MGAM2: variants seen among roughly 807,000 people sequenced by gnomAD.
MGAM2 encodes maltase-glucoamylase 2 (putative).
MGAM2 carries 98 observed loss-of-function variants against 96.1 expected under a neutral mutation model. That is an observed-to-expected ratio of 1.02 (90% CI 0.87 to 1.21). The LOEUF is 1.21. Ranked by LOEUF, MGAM2 falls within the 50% of genes most tolerant of loss-of-function variation. MGAM2 has a pLI of 0.00. For missense variants in MGAM2, 2,055 were observed against 1,182.4 expected (o/e 1.74, Z -10.82); for synonymous variants, 749 against 414.8 (o/e 1.81, Z -9.79).
In MGAM2 at chr7:142,118,124, C is replaced by G. The variant is rs1817479919; in HGVS notation, c.106+1145C>G. ...CATCAGATTTCTGGAACTTATTCAT[C>G]TCGCATAACTGAAATGTTATACTGG... On this transcript the variant is annotated intron_variant, in intron 2 of 47. Coordinates refer to ENST00000477922, the MANE Select transcript of MGAM2 (RefSeq NM_001293626.2). Among the ~76,000 whole-genome samples the G allele has an allele frequency of 2.7e-5, 4 of 150,438 alleles. No homozygotes were observed. In the South Asian group the frequency reaches 8.4e-4, roughly 32 times the overall value.
intron 32 of MGAM2, among the ~76,000 whole-genome samples, chr7:142,180,769 G>C (rs1796513774): frequency 6.6e-6 from 1 of 152,004 alleles, no homozygotes; most frequent in African/African-American, 2.4e-5. Context: ...TTCTGACTGG[G>C]TTGTTTAGAA....
In MGAM2 at chr7:142,167,312, C is replaced by G. The variant is rs752736664; in HGVS notation, c.2853C>G (p.Ile951Met). 2.8e-6 allele frequency: 2 copies of G among 702,524 alleles called. No individual in the cohort carries two copies. Among genetic ancestry groups the G allele is most frequent in the Non-Finnish European group, 5.2e-6 (2 of 384,792 alleles). The allele number at this position is 702,524 out of a possible 1,614,324, so 43.5% of individuals were successfully genotyped here. Residue 951 changes from isoleucine (I) to methionine (M), a missense_variant, in exon 26 of 48, where the codon ATC (isoleucine) becomes ATG (methionine). Ile to Met is a conservative substitution (Grantham distance 10, BLOSUM62 1). Coordinates refer to ENST00000477922, the MANE Select transcript of MGAM2 (RefSeq NM_001293626.2). The part of the protein sequence containing the change: ...PGVPTCYYDT[I>M]PNYVASDIQY... ...TGCCCACCTGTTACTATGACACCAT[C>G]CCTAATTATGTTGCTAGTGATATTC...
At chr7:142,191,696 A>G (rs1002003840) in intron 37 of MGAM2, among the ~76,000 whole-genome samples, 2 of 151,780 alleles carry the variant, frequency 1.3e-5, no homozygotes, top group South Asian at 2.1e-4. Flanking sequence ...TTTAGCTACT[A>G]TGGGTCCCTT....
intron 46 of MGAM2, among the ~76,000 whole-genome samples, chr7:142,208,855 GA>G (rs1563296264): frequency 1.3e-5 from 2 of 152,080 alleles, no homozygotes; most frequent in Non-Finnish European, 2.9e-5. Context: ...CAATGCTGGG[GA>G]AAAAATGGGG....
At chr7:142,183,144 A>G (rs2129094806) in intron 32 of MGAM2, 122 bp from the exon 33 acceptor site, 1 of 595,938 alleles carries the variant, frequency 1.7e-6, no homozygotes, top group East Asian at 2.8e-5. Context: ...ATTTTATTTC[A>G]TTTTATTTTT....
At chr7:142,153,728 C>T (rs1343491093) in intron 15 of MGAM2, among the ~76,000 whole-genome samples, 1 of 152,172 alleles carries the variant, frequency 6.6e-6, no homozygotes, top group Admixed American at 6.5e-5. Context: ...AGGACCAGAC[C>T]ACAACCAGAT....
intron 3 of MGAM2, among the ~76,000 whole-genome samples, chr7:142,124,070 T>G (rs1162306877): frequency 2.6e-5 from 4 of 151,004 alleles, no homozygotes; most frequent in Non-Finnish European, 4.4e-5. Context: ...CCTCCCAGGT[T>G]CAGGTGATTC....
intron 17 of MGAM2, among the ~76,000 whole-genome samples, chr7:142,157,679 T>G (rs1020663270): frequency 6.6e-6 from 1 of 152,010 alleles, no homozygotes; most frequent in Non-Finnish European, 1.5e-5. Context: ...TGTGAGCCAT[T>G]GCGCCTGGCC....
In MGAM2 at chr7:142,185,070, T is replaced by C. The variant is rs576875665; in HGVS notation, c.3925-7T>C. On this transcript the variant is annotated splice_region_variant and splice_polypyrimidine_tract_variant and intron_variant, in intron 33 of 47. Transcript: ENST00000477922. ...TAAAGGTTTTAATTGCCCTTCTTTT[T>C]CTCTAGGTTTGGCCAGATCTGCCTA... The C allele has an allele frequency of 1.8e-5, 13 of 702,862 alleles. No individual in the cohort carries two copies. Among genetic ancestry groups the C allele is most frequent in the South Asian group, 1.8e-4 (12 of 67,544 alleles). The allele number at this position is 702,862 out of a possible 1,614,324, so 43.5% of individuals were successfully genotyped here. A position where few individuals can be genotyped will look rare whatever the true frequency, so the allele number is the denominator to read the frequency against.
chr7:142,120,201 T>C, intron 2 of MGAM2, 101 bp from the exon 3 acceptor site: 1 of 656,142 alleles, frequency 1.5e-6, no homozygotes, highest in Non-Finnish European at 2.8e-6. Flanking sequence ...GGTGATCTGT[T>C]GTGTGGAGAA....
intron 6 of MGAM2, among the ~76,000 whole-genome samples, chr7:142,132,948 TTA>T (rs1335731179): frequency 3.8e-5 from 5 of 131,134 alleles, no homozygotes; most frequent in Non-Finnish European, 7.7e-5. Context: ...TATTTACATA[TTA>T]TATATGCATT....
rs1476371225 is a variant in MGAM2 at position 142,220,167 on chromosome 7, A to G, written c.5656A>G (p.Thr1886Ala). The G allele has an allele frequency of 8.5e-6, 6 of 702,794 alleles. No individual in the cohort carries two copies. Among genetic ancestry groups the G allele is most frequent in the South Asian group, 1.5e-5 (1 of 67,602 alleles). The allele number at this position is 702,794 out of a possible 1,614,324, so 43.5% of individuals were successfully genotyped here. Residue 1886 changes from threonine to alanine, a missense_variant, in exon 48 of 48, where the codon ACA becomes GCA. Transcript: ENST00000477922. The stretch of plus-strand genomic sequence containing the variant: ...TCCTGATACAACTTCTCCTTTCCCT[A>G]CAAGTACTACTAATGCTAGCACTAA... ...TVPDTTSPFP[T>A]STTNASTNAT...
intron 46 of MGAM2, among the ~76,000 whole-genome samples, chr7:142,212,509 T>TA: frequency 6.6e-6 from 1 of 152,126 alleles, no homozygotes. Context: ...TGGAGGAAGA[T>TA]TTGCCCATCA....
intron 46 of MGAM2, among the ~76,000 whole-genome samples, chr7:142,212,089 C>T (rs558708767): frequency 6.6e-6 from 1 of 152,300 alleles, no homozygotes; most frequent in East Asian, 1.9e-4. Flanking sequence ...TCCAGCCAAA[C>T]TAAGCTTCAT....
At chr7:142,179,582 C>A (rs1357373907) in intron 32 of MGAM2, among the ~76,000 whole-genome samples, 2 of 152,170 alleles carry the variant, frequency 1.3e-5, no homozygotes, top group East Asian at 1.9e-4. Context: ...TGGATTTTAT[C>A]AAAAGCTCTT....
In MGAM2 at chr7:142,199,979, A is replaced by T; in HGVS notation, c.5137+11A>T. On this transcript the variant is annotated intron_variant, in intron 45 of 47. Coordinates refer to ENST00000477922, the MANE Select transcript of MGAM2 (RefSeq NM_001293626.2). ...ATGGACAAAGCATTGGTGAGTATAAACTTTCCAGGGTCCCTGTACATCACT... is the reference window on the plus strand; with the variant it reads ...ATGGACAAAGCATTGGTGAGTATAATCTTTCCAGGGTCCCTGTACATCACT... The T allele has an allele frequency of 1.5e-6, 1 of 656,990 alleles. No individual in the cohort carries two copies. Among genetic ancestry groups the T allele is most frequent in the African/African-American group, 1.8e-5 (1 of 55,224 alleles). 40.7% of individuals were successfully genotyped at this position (656,990 alleles called of 1,614,324 possible).
Position 142,160,174 on chromosome 7 carries a change from T to C in MGAM2, c.2261T>C (p.Leu754Pro), listed in dbSNP as rs1795847564. ...TGGAGGAAACAGTTGGTGAATATGC[T>C]TCTCCCAGGTGACAAGATAGGACTT... ...ISWRKQLVNMLLPGDKIGLHL... is the reference protein window; with the variant it reads ...ISWRKQLVNMPLPGDKIGLHL... Residue 754 changes from leucine to proline, a missense_variant, in exon 21 of 48, where the codon CTT becomes CCT. Transcript: ENST00000477922. 1.4e-6 allele frequency: 1 copy of C among 702,774 alleles called. No individual in the cohort carries two copies. 43.5% of individuals were successfully genotyped at this position (702,774 alleles called of 1,614,324 possible). A position where few individuals can be genotyped will look rare whatever the true frequency, so the allele number is the denominator to read the frequency against.
intron 12 of MGAM2, among the ~76,000 whole-genome samples, chr7:142,143,296 CTGAG>C (rs1298916928): frequency 6.6e-6 from 1 of 152,042 alleles, no homozygotes. Context: ...AAAAAATGAC[CTGAG>C]TAAGAAGCGC....
At chr7:142,200,542 G>T (rs1332323662) in intron 45 of MGAM2, among the ~76,000 whole-genome samples, 4 of 152,104 alleles carry the variant, frequency 2.6e-5, no homozygotes, top group African/African-American at 9.7e-5. Context: ...ATTATCATCA[G>T]AACACCCTCT....
Sources: allele counts gnomAD v4.1 joint callset (sites outside exome capture counted in the v4.1 genomes callset), GRCh38; gene constraint gnomAD v4.1.1; transcripts MANE v1.5; gene names NCBI Gene and HGNC (gene_info 2026-07-23, HGNC 2026-07-21).